The following MRTFA variants were observed in gnomAD, a reference collection of about 807,000 sequenced individuals.
MRTFA encodes the protein myocardin-related transcription factor A.
In MRTFA, 20 loss-of-function variants were observed where a neutral mutation model predicts 83.5. That is an observed-to-expected ratio of 0.24 (90% CI 0.17 to 0.35). MRTFA has a LOEUF of 0.35. MRTFA is among the 10% of genes least tolerant of loss of function. MRTFA has a pLI of 1.00. For synonymous variants in MRTFA, 659 were observed against 541.2 expected (o/e 1.22, Z -3.02); for missense variants, 1,200 against 1,224.7 (o/e 0.98, Z 0.30).
At chr22:40,425,033 G>A (rs2052924666) in intron 7 of MRTFA, among the ~76,000 whole-genome samples, 1 of 152,222 alleles carries the variant, frequency 6.6e-6, no homozygotes, top group Non-Finnish European at 1.5e-5. Context: ...GAGGCCAGTG[G>A]CTCACAGAGA....
chr22:40,499,334 T>C (rs1300748532), intron 3 of MRTFA, among the ~76,000 whole-genome samples: 1 of 152,180 alleles, frequency 6.6e-6, no homozygotes, highest in Non-Finnish European at 1.5e-5. Flanking sequence ...ACTGAGTCAT[T>C]TAAAGAACAC....
chr22:40,510,052 A>C (rs992347344), intron 3 of MRTFA, among the ~76,000 whole-genome samples: 1 of 151,564 alleles, frequency 6.6e-6, no homozygotes, highest in Non-Finnish European at 1.5e-5. Flanking sequence ...ACAGAACCCA[A>C]ATGAGAGCTG....
At chr22:40,417,100 C>T (rs2052697874) in intron 13 of MRTFA, 54 bp from the exon 14 acceptor site, 1 of 1,534,262 alleles carries the variant, frequency 6.5e-7, no homozygotes, top group Non-Finnish European at 8.8e-7. Context: ...TGGGGGCTCC[C>T]AGCCCGAACT....
chr22:40,455,198 A>C (rs1244841979), intron 4 of MRTFA, among the ~76,000 whole-genome samples: 1 of 152,184 alleles, frequency 6.6e-6, no homozygotes, highest in Non-Finnish European at 1.5e-5. Flanking sequence ...ATTAAAATTA[A>C]ATAAAAATTA....
chr22:40,586,389 A>G (rs1164864066), intron 2 of MRTFA, among the ~76,000 whole-genome samples: 1 of 152,218 alleles, frequency 6.6e-6, no homozygotes, highest in African/African-American at 2.4e-5. Flanking sequence ...TAAAGGAATA[A>G]TGCCAATCTT....
chr22:40,605,721 A>T (rs1332869436), intron 1 of MRTFA, among the ~76,000 whole-genome samples: 1 of 152,226 alleles, frequency 6.6e-6, no homozygotes, highest in Non-Finnish European at 1.5e-5. Flanking sequence ...TCATCTCTAT[A>T]TTCCATTACC....
chr22:40,410,364 A>AC lies in MRTFA; in HGVS notation c.*1025dup. 1 of 256,552 alleles carries AC rather than the reference A, an allele frequency of 3.9e-6. No homozygotes were observed. The highest frequency in any genetic ancestry group is 7.2e-6 in the Non-Finnish European group (1 of 139,444). The allele number at this position is 256,552 out of a possible 1,614,324, so 15.9% of individuals were successfully genotyped here. ...TCCCAGCACTGGTTTTGGTGACTCCACCCCTACTCCCCTATGAGTCAGCCC... is the reference window on the plus strand; with the variant it reads ...TCCCAGCACTGGTTTTGGTGACTCCACCCCCTACTCCCCTATGAGTCAGCCC... On this transcript the variant is annotated 3_prime_UTR_variant, in exon 15 of 15. Coordinates refer to ENST00000355630, the MANE Select transcript of MRTFA (RefSeq NM_020831.6).
Position 40,540,945 on chromosome 22 carries a change from CA to C in MRTFA, c.241+11160del, listed in dbSNP as rs879382082. 1.9e-3 allele frequency among the ~76,000 whole-genome samples: 291 copies of C among 150,606 alleles called. 1 individual carries two copies. The highest frequency in any genetic ancestry group is 6.8e-3 in the African/African-American group (278 of 41,112). On this transcript the variant is annotated intron_variant, in intron 3 of 14. Coordinates refer to ENST00000355630, the MANE Select transcript of MRTFA (RefSeq NM_020831.6). ...CAAATGGCATAGGAAAAGTTCATAACAAAAAAAAATAATTACCTACCCAGAA... is the reference window on the plus strand; with the variant it reads ...CAAATGGCATAGGAAAAGTTCATAACAAAAAAAATAATTACCTACCCAGAA...
chr22:40,593,263 T>A (rs902849481), intron 2 of MRTFA, among the ~76,000 whole-genome samples: 1 of 152,218 alleles, frequency 6.6e-6, no homozygotes, highest in Non-Finnish European at 1.5e-5. Flanking sequence ...TTCTATTTCC[T>A]CTAAATGGCT....
intron 1 of MRTFA, among the ~76,000 whole-genome samples, chr22:40,613,601 A>T (rs1258090051): frequency 6.6e-6 from 1 of 152,132 alleles, no homozygotes; most frequent in Non-Finnish European, 1.5e-5. Flanking sequence ...CGTGCCTGTA[A>T]TCCCAACACT....
intron 3 of MRTFA, among the ~76,000 whole-genome samples, chr22:40,479,083 A>G (rs891697476): frequency 1.1e-4 from 16 of 152,288 alleles, no homozygotes; most frequent in African/African-American, 3.1e-4. Context: ...ATTTTCTAAC[A>G]AAGAGCAGCC....
At chr22:40,575,488 T>A (rs1473950781) in intron 2 of MRTFA, among the ~76,000 whole-genome samples, 1 of 152,168 alleles carries the variant, frequency 6.6e-6, no homozygotes, top group Non-Finnish European at 1.5e-5. Context: ...ATTTAAAAAA[T>A]TATTTGCTTT....
In MRTFA at chr22:40,500,317, CT is replaced by C. The variant is rs112101641; in HGVS notation, c.242-37032del. ...TAATAACATACTTTCATATTGCTTTCTTTTTTTTTGTTACAGTTTTTATTTT... is the reference window on the plus strand; with the variant it reads ...TAATAACATACTTTCATATTGCTTTCTTTTTTTTGTTACAGTTTTTATTTT... On this transcript the variant is annotated intron_variant, in intron 3 of 14. Coordinates refer to ENST00000355630, the MANE Select transcript of MRTFA (RefSeq NM_020831.6). Among the ~76,000 whole-genome samples, 375 of 134,332 alleles carry C rather than the reference CT, an allele frequency of 2.8e-3. 2 individuals are homozygous for C. The highest frequency in any genetic ancestry group is 7.8e-3 in the African/African-American group (285 of 36,760). The allele number at this position is 134,332 out of a possible 152,430, so 88.1% of individuals were successfully genotyped here.
chr22:40,500,348 ATTTT>A (rs67459262), intron 3 of MRTFA, among the ~76,000 whole-genome samples: 3 of 139,056 alleles, frequency 2.2e-5, no homozygotes, highest in Non-Finnish European at 4.6e-5. Flanking sequence ...TATTTTTTTT[ATTTT>A]TTTTTTAACA....
intron 3 of MRTFA, among the ~76,000 whole-genome samples, chr22:40,498,501 T>C (rs1384059958): frequency 2.0e-5 from 3 of 151,244 alleles, no homozygotes; most frequent in Non-Finnish European, 4.4e-5. Context: ...CGCAGGTTGG[T>C]CTTGAATTCC....
chr22:40,445,934 T>C (rs1376711487), intron 4 of MRTFA, among the ~76,000 whole-genome samples: 2 of 152,240 alleles, frequency 1.3e-5, no homozygotes, highest in Non-Finnish European at 2.9e-5. Flanking sequence ...TTTTTCATTT[T>C]CATGACACTG....
intron 3 of MRTFA, among the ~76,000 whole-genome samples, chr22:40,512,302 T>C (rs1352150054): frequency 6.6e-6 from 1 of 152,232 alleles, no homozygotes; most frequent in Non-Finnish European, 1.5e-5. Flanking sequence ...TTACAGCAAA[T>C]GTCAATGGAC....
At chr22:40,630,548 T>C (rs954542739) in intron 1 of MRTFA, among the ~76,000 whole-genome samples, 1 of 152,190 alleles carries the variant, frequency 6.6e-6, no homozygotes, top group African/African-American at 2.4e-5. Flanking sequence ...GTAACAAATC[T>C]ACTTCCTAAA....
intron 1 of MRTFA, among the ~76,000 whole-genome samples, chr22:40,620,846 ACTGTC>A (rs940677441): frequency 2.4e-4 from 37 of 152,246 alleles, no homozygotes; most frequent in African/African-American, 8.7e-4. Context: ...CAGCAGAAAC[ACTGTC>A]AACTTGGACT....
Sources: gnomAD v4.1 joint callset for allele counts (sites outside exome capture counted in the v4.1 genomes callset) on GRCh38, gnomAD v4.1.1 for gene constraint, MANE v1.5 for transcripts, NCBI Gene and HGNC (gene_info 2026-07-23, HGNC 2026-07-21) for gene names.